PTPRA: variants seen among roughly 807,000 people sequenced by gnomAD.
The protein encoded by PTPRA is protein tyrosine phosphatase receptor type A, also known as receptor-type tyrosine-protein phosphatase alpha.
Under a neutral mutation model 104.8 loss-of-function variants are expected in PTPRA, and 25 were observed. The ratio of observed to expected loss-of-function variants is 0.24; its 90% CI spans 0.17 to 0.33. The LOEUF is 0.33. Among genes scored for constraint, PTPRA ranks in the 10% least tolerant of loss-of-function variants. The probability of loss-of-function intolerance (pLI) is 1.00; values close to 1 mark genes in which losing one functional copy is unlikely to be tolerated. For missense variants in PTPRA, 765 were observed against 1,015.3 expected, an observed-to-expected ratio of 0.75 and a Z score of 3.35; for synonymous variants, 323 against 368.9, an observed-to-expected ratio of 0.88 and a Z score of 1.43.
At chr20:2,880,930 C>T (rs1384638525) in intron 1 of PTPRA, among the ~76,000 whole-genome samples, 1 of 151,598 alleles carries the variant, frequency 6.6e-6, no homozygotes, top group African/African-American at 2.4e-5. Context: ...ATTGCTTGAA[C>T]CCAGGAGTTC....
At chr20:2,946,229 G>A (rs753782164) in intron 2 of PTPRA, among the ~76,000 whole-genome samples, 31 of 152,018 alleles carry the variant, frequency 2.0e-4, no homozygotes, top group Admixed American at 5.9e-4. Context: ...GGGAGGTTGC[G>A]CAGTGGGGAG....
At chr20:2,917,856 C>T (rs140088939) in intron 1 of PTPRA, among the ~76,000 whole-genome samples, 2,503 of 151,628 alleles carry the variant, frequency 0.017, 64 homozygotes, top group African/African-American at 0.056. Context: ...TTTTGGAGAC[C>T]GAGGCGGGTG....
chr20:2,996,377 G>A (rs1348466426), intron 9 of PTPRA, among the ~76,000 whole-genome samples: 2 of 152,172 alleles, frequency 1.3e-5, no homozygotes, highest in Non-Finnish European at 2.9e-5. Context: ...CCCTGGGAGA[G>A]AAGAGGAGAA....
intron 2 of PTPRA, among the ~76,000 whole-genome samples, chr20:2,942,628 G>A (rs2060962229): frequency 6.6e-6 from 1 of 151,776 alleles, no homozygotes; most frequent in Admixed American, 6.6e-5. Context: ...GAATTCTCTG[G>A]CAGTCTGCCT....
At chr20:2,908,178 A>C (rs1317991422) in intron 1 of PTPRA, among the ~76,000 whole-genome samples, 1 of 151,970 alleles carries the variant, frequency 6.6e-6, no homozygotes, top group Non-Finnish European at 1.5e-5. Flanking sequence ...AAATTTTCAA[A>C]TTTTTCTGAC....
At chr20:2,983,568 C>CA (rs58694839) in intron 6 of PTPRA, among the ~76,000 whole-genome samples, 244 of 93,366 alleles carry the variant, frequency 2.6e-3, no homozygotes, top group Non-Finnish European at 3.7e-3. Flanking sequence ...AAAAAAAATG[C>CA]AAAAAAAAAA....
chr20:3,026,270 C>T (rs1195661058), intron 17 of PTPRA, among the ~76,000 whole-genome samples: 7 of 151,998 alleles, frequency 4.6e-5, no homozygotes, highest in Non-Finnish European at 7.4e-5. Flanking sequence ...GTGAAGCCAA[C>T]GCTGCTGGTG....
intron 2 of PTPRA, among the ~76,000 whole-genome samples, chr20:2,937,260 GA>G: frequency 6.6e-6 from 1 of 151,988 alleles, no homozygotes; most frequent in South Asian, 2.1e-4. Context: ...GAGTAGCTGG[GA>G]TTACAGGTGC....
chr20:2,910,408 G>A (rs189037537), intron 1 of PTPRA, among the ~76,000 whole-genome samples: 1,555 of 60,880 alleles, frequency 0.026, 176 homozygotes, highest in Admixed American at 0.11. Flanking sequence ...AATATATTTT[G>A]TATATTATAT....
chr20:3,035,996 G>A lies in PTPRA; in HGVS notation c.2198+55G>A. Reference sequence around the variant, plus strand: ...AGAGAAAGCGAGGAGGGGCAGATAGGGGAAGCTGATGACCATGGGTCAGAC... The same window carrying A: ...AGAGAAAGCGAGGAGGGGCAGATAGAGGAAGCTGATGACCATGGGTCAGAC... On this transcript the variant is annotated intron_variant, in intron 22 of 23. Coordinates refer to ENST00000399903, the MANE Select transcript of PTPRA (RefSeq NM_001385305.1). This position sits in a 1 kb window ranked among gnomAD's most constrained non-coding sequence, Gnocchi z 5.8. The A allele has an allele frequency of 6.2e-7, 1 of 1,609,646 alleles. No individual in the cohort carries two copies. Among genetic ancestry groups the A allele is most frequent in the Non-Finnish European group, 8.5e-7 (1 of 1,178,374 alleles).
chr20:2,926,418 C>G (rs1341630505), intron 2 of PTPRA, among the ~76,000 whole-genome samples: 1 of 152,164 alleles, frequency 6.6e-6, no homozygotes, highest in Non-Finnish European at 1.5e-5. Context: ...AGATTGTCTT[C>G]CCTCTATGCA....
At position 3,024,391 on chromosome 20, in the gene PTPRA, G is replaced by A. The variant is rs116552285; in HGVS notation, c.1465-81G>A. 9.7e-4 allele frequency: 1,348 copies of A among 1,387,096 alleles called. 9 individuals carry two copies. The African/African-American group carries it at 0.017, about 17-fold the overall frequency. 85.9% of individuals were successfully genotyped at this position (1,387,096 alleles called of 1,614,324 possible). On this transcript the variant is annotated intron_variant, in intron 16 of 23. Coordinates refer to ENST00000399903, the MANE Select transcript of PTPRA (RefSeq NM_001385305.1). Reference sequence around the variant, plus strand: ...GATCAAAGGAGAAATGGACTGGAGTGAAGTGGGGGTGGGAACAGGTGATCT... The same window carrying A: ...GATCAAAGGAGAAATGGACTGGAGTAAAGTGGGGGTGGGAACAGGTGATCT...
intron 1 of PTPRA, among the ~76,000 whole-genome samples, chr20:2,903,017 T>C (rs944128120): frequency 6.6e-6 from 1 of 152,184 alleles, no homozygotes; most frequent in Admixed American, 6.5e-5. Flanking sequence ...CCTCAGTTTC[T>C]TCATCTGCAA....
intron 5 of PTPRA, among the ~76,000 whole-genome samples, chr20:2,966,764 C>T (rs2061961576): frequency 6.6e-6 from 1 of 152,166 alleles, no homozygotes; most frequent in African/African-American, 2.4e-5. Flanking sequence ...CAGGTCATGA[C>T]ACAATTCATG....
At chr20:2,995,522 T>C (rs1054513117) in intron 9 of PTPRA, among the ~76,000 whole-genome samples, 7 of 152,212 alleles carry the variant, frequency 4.6e-5, no homozygotes, top group Admixed American at 1.3e-4. Context: ...GGGGCAGTTT[T>C]CATCATGACA....
chr20:2,865,465 C>T, the PTPRA span: 11 of 1,614,074 alleles, frequency 6.8e-6, no homozygotes, highest in South Asian at 1.2e-4. This position sits in a 1 kb window ranked among gnomAD's most constrained non-coding sequence, Gnocchi z 5.2. Flanking sequence ...AGAAGTTTTC[C>T]AAGAGCAAGA....
chr20:2,965,981 G>C (rs900134383), intron 5 of PTPRA, among the ~76,000 whole-genome samples: 1 of 152,160 alleles, frequency 6.6e-6, no homozygotes, highest in African/African-American at 2.4e-5. Context: ...CTATGTAACT[G>C]TCATCCCTTT....
chr20:3,027,116 T>A lies in PTPRA; in HGVS notation c.1709-5T>A, dbSNP rs752503809. The A allele has an allele frequency of 9.9e-6, 16 of 1,613,400 alleles. No individual in the cohort carries two copies. The highest frequency in any genetic ancestry group is 1.3e-5 in the Non-Finnish European group (15 of 1,179,418). On this transcript the variant is annotated splice_region_variant and splice_polypyrimidine_tract_variant and intron_variant, in intron 18 of 23. Transcript: ENST00000399903. The stretch of plus-strand genomic sequence containing the variant: ...GCTAGCCATAAGCCGCTATTCTTCT[T>A]ACAGATGAATTCAACAGAGTGATCA...
chr20:3,023,373 T>C (rs1797696341), intron 16 of PTPRA, among the ~76,000 whole-genome samples: 2 of 152,144 alleles, frequency 1.3e-5, no homozygotes, highest in Non-Finnish European at 2.9e-5. Flanking sequence ...AAGGCTTCTT[T>C]GGAGTTAAGA....
Sources: allele counts gnomAD v4.1 joint callset (sites outside exome capture counted in the v4.1 genomes callset), GRCh38; gene constraint gnomAD v4.1.1; non-coding constraint Gnocchi (gnomAD v3.1); transcripts MANE v1.5; gene names NCBI Gene and HGNC (gene_info 2026-07-23, HGNC 2026-07-21).